The following TBXAS1 variants were observed in gnomAD, a reference collection of about 807,000 sequenced individuals.
TBXAS1 encodes thromboxane A synthase 1.
In TBXAS1, 48 loss-of-function variants were observed where a neutral mutation model predicts 60.7. That is an observed-to-expected ratio of 0.79 (90% confidence interval 0.63 to 1.01). The LOEUF (loss-of-function observed/expected upper bound fraction) is 1.01. TBXAS1 is among the 50% of genes least tolerant of loss of function. The probability of loss-of-function intolerance (pLI) is 0.00; values close to 1 mark genes in which losing one functional copy is unlikely to be tolerated. For missense variants in TBXAS1, 685 were observed against 686.3 expected (o/e 1.00, Z 0.02); for synonymous variants, 287 against 269.7 (o/e 1.06, Z -0.63).
intron 5 of TBXAS1, among the ~76,000 whole-genome samples, chr7:139,940,601 C>T (rs1387521864): frequency 3.9e-5 from 6 of 152,062 alleles, no homozygotes; most frequent in Admixed American, 6.6e-5. Context: ...TCTCCAGGCT[C>T]GAAGGACCTG....
intron 4 of TBXAS1, among the ~76,000 whole-genome samples, chr7:139,818,503 G>A (rs907574302): frequency 2.0e-5 from 3 of 152,042 alleles, no homozygotes; most frequent in East Asian, 1.9e-4. Context: ...GAGCCACCAC[G>A]CCCAGCCTCC....
intron 8 of TBXAS1, among the ~76,000 whole-genome samples, chr7:139,960,394 C>T (rs1041300653): frequency 2.0e-5 from 3 of 152,124 alleles, no homozygotes; most frequent in African/African-American, 4.8e-5. Flanking sequence ...AAACTAGGCA[C>T]GGTGTCAGGG....
chr7:139,957,005 C>G (rs893397344), intron 7 of TBXAS1, among the ~76,000 whole-genome samples: 2 of 152,238 alleles, frequency 1.3e-5, no homozygotes, highest in African/African-American at 4.8e-5. Context: ...CTGAACCCAG[C>G]CAGTGCCCCT....
chr7:139,820,236 T>C (rs946771053), intron 4 of TBXAS1, among the ~76,000 whole-genome samples: 2 of 152,150 alleles, frequency 1.3e-5, no homozygotes, highest in African/African-American at 4.8e-5. Flanking sequence ...GTCATCAACA[T>C]GTAGCCGCAT....
chr7:139,888,777 G>C (rs1325190267), intron 3 of TBXAS1, among the ~76,000 whole-genome samples: 1 of 152,148 alleles, frequency 6.6e-6, no homozygotes, highest in African/African-American at 2.4e-5. Flanking sequence ...TGTGTGCTAG[G>C]AAAATGTGAT....
At chr7:139,861,142 C>T (rs1800932007) in intron 1 of TBXAS1, among the ~76,000 whole-genome samples, 1 of 151,058 alleles carries the variant, frequency 6.6e-6, no homozygotes, top group South Asian at 2.1e-4. Flanking sequence ...CCATTGTACT[C>T]CAGCCTGGGC....
intron 9 of TBXAS1, among the ~76,000 whole-genome samples, chr7:139,966,841 G>A (rs946968183): frequency 6.6e-6 from 1 of 152,184 alleles, no homozygotes; most frequent in African/African-American, 2.4e-5. Flanking sequence ...CCTGCGGGAG[G>A]AGAGGTCTGT....
At chr7:139,991,424 C>T (rs904463746) in intron 9 of TBXAS1, among the ~76,000 whole-genome samples, 6 of 151,806 alleles carry the variant, frequency 4.0e-5, no homozygotes, top group Non-Finnish European at 2.9e-5. Flanking sequence ...CATCACCCGT[C>T]TCCACCCCAC....
chr7:139,814,444 C>T (rs1044016753), intron 4 of TBXAS1, among the ~76,000 whole-genome samples: 7 of 152,162 alleles, frequency 4.6e-5, no homozygotes, highest in Non-Finnish European at 8.8e-5. Context: ...CTGAACTGAC[C>T]AAGCTTGATT....
At chr7:139,955,725 G>A in intron 7 of TBXAS1, 118 bp downstream of exon 7, 1 of 1,469,222 alleles carries the variant, frequency 6.8e-7, no homozygotes, top group South Asian at 1.1e-5. Flanking sequence ...CACTCGGGTT[G>A]TTCCCCTGCA....
chr7:139,986,383 T>G (rs181981059), intron 9 of TBXAS1, among the ~76,000 whole-genome samples: 2 of 152,242 alleles, frequency 1.3e-5, no homozygotes, highest in Non-Finnish European at 2.9e-5. Flanking sequence ...AATATTTCCA[T>G]AGATTATTGG....
chr7:139,972,762 G>A (rs1486691958), intron 9 of TBXAS1, among the ~76,000 whole-genome samples: 1 of 152,022 alleles, frequency 6.6e-6, no homozygotes, highest in African/African-American at 2.4e-5. Flanking sequence ...TTTTGGGAGG[G>A]GAATATCATC....
At chr7:139,805,684 TTC>T (rs1196262108) in intron 4 of TBXAS1, among the ~76,000 whole-genome samples, 16 of 33,212 alleles carry the variant, frequency 4.8e-4, no homozygotes, top group Non-Finnish European at 8.2e-4. Context: ...CTTTCTTTCT[TTC>T]TTTCTTTCTT....
chr7:139,957,615 T>A lies in TBXAS1; in HGVS notation c.689-19T>A. 2 of 1,613,902 alleles carry A rather than the reference T, an allele frequency of 1.2e-6. No individual in the cohort carries two copies. The highest frequency in any genetic ancestry group is 1.7e-6 in the Non-Finnish European group (2 of 1,179,904). Reference sequence around the variant, plus strand: ...TTATCACCCCCTTTTCAATGCCACTTTTGTTTTTCTCTTTCAAGTATCATT... The same window carrying A: ...TTATCACCCCCTTTTCAATGCCACTATTGTTTTTCTCTTTCAAGTATCATT... On this transcript the variant is annotated intron_variant, in intron 7 of 12. Coordinates refer to ENST00000448866, the MANE Select transcript of TBXAS1 (RefSeq NM_001061.7).
intron 2 of TBXAS1, among the ~76,000 whole-genome samples, chr7:139,781,532 A>G (rs1438787006): frequency 6.6e-6 from 1 of 152,212 alleles, no homozygotes; most frequent in Non-Finnish European, 1.5e-5. Flanking sequence ...GGCCCACGTC[A>G]GATGAAAGCA....
chr7:139,813,065 A>G (rs1310686168), intron 4 of TBXAS1, among the ~76,000 whole-genome samples: 1 of 131,518 alleles, frequency 7.6e-6, no homozygotes, highest in Non-Finnish European at 1.6e-5. Flanking sequence ...TCAAATAAAT[A>G]AAATAAAATA....
At chr7:139,927,456 T>C (rs1806981788) in intron 4 of TBXAS1, among the ~76,000 whole-genome samples, 4 of 152,204 alleles carry the variant, frequency 2.6e-5, no homozygotes, top group Admixed American at 2.6e-4. Context: ...TTTTTAACTT[T>C]TTCTTGTTTA....
Position 140,004,920 on chromosome 7 carries a change from A to G in TBXAS1, c.1135-2171A>G, listed in dbSNP as rs1813952064. On this transcript the variant is annotated intron_variant, in intron 9 of 12. Transcript: ENST00000448866. This position sits in a 1 kb window ranked among gnomAD's most constrained non-coding sequence, Gnocchi z 5.1. ...GCCTAGGGCAGGGACGGCCACCACC[A>G]TGCCAACCCGAGATGCTGCAGGGTG... 6.6e-6 allele frequency among the ~76,000 whole-genome samples: 1 copy of G among 152,004 alleles called. No individual in the cohort carries two copies. Among genetic ancestry groups the G allele is most frequent in the South Asian group, 2.1e-4 (1 of 4,812 alleles).
At chr7:139,808,839 A>T (rs1293357264) in intron 4 of TBXAS1, among the ~76,000 whole-genome samples, 1 of 152,190 alleles carries the variant, frequency 6.6e-6, no homozygotes, top group Non-Finnish European at 1.5e-5. Context: ...CCTGGAACAT[A>T]GTACACATTT....
Sources: gnomAD v4.1 joint callset for allele counts (sites outside exome capture counted in the v4.1 genomes callset) on GRCh38, gnomAD v4.1.1 for gene constraint, Gnocchi (gnomAD v3.1) non-coding constraint, MANE v1.5 for transcripts, NCBI Gene and HGNC (gene_info 2026-07-23, HGNC 2026-07-21) for gene names.